KALRN: variants seen among roughly 807,000 people sequenced by gnomAD.
The protein encoded by KALRN is kalirin RhoGEF kinase.
A neutral mutation model predicts 353.7 loss-of-function variants in KALRN; 70 were observed. That is an observed-to-expected ratio of 0.20 (90% confidence interval 0.16 to 0.24). The LOEUF (loss-of-function observed/expected upper bound fraction) is 0.24. Ranked by LOEUF, KALRN falls within the 10% of genes least tolerant of loss-of-function variation. The pLI, the probability that KALRN is intolerant of heterozygous loss-of-function variation, is 1.00. For missense variants in KALRN, 2,791 were observed against 3,756.7 expected (o/e 0.74, Z 6.72); for synonymous variants, 1,391 against 1,434.8 (o/e 0.97, Z 0.69).
intron 1 of KALRN, among the ~76,000 whole-genome samples, chr3:124,086,418 C>T (rs1344600533): frequency 6.6e-6 from 1 of 151,336 alleles, no homozygotes; most frequent in African/African-American, 2.4e-5. Flanking sequence ...TAACATTTCC[C>T]TGATCATTAG....
chr3:124,659,379 G>A lies in KALRN; in HGVS notation c.6138G>A (p.Glu2046=), dbSNP rs142563608. Residue 2046 remains glutamate (E), a synonymous_variant, in exon 43 of 60, where the codon GAG becomes GAA. Coordinates refer to ENST00000682506, the MANE Select transcript of KALRN (RefSeq NM_001388419.1). ...CTGTGTTTCAGGAGGTAAAACAGGA[G>A]ATAAATCAGAGGCTGACACTGAGTG... ...YDAYFEEVKQ[E]INQRLTLSDF... is the part of the protein sequence containing the mutation. 1.8e-4 allele frequency: 294 copies of A among 1,612,934 alleles called. No individual in the cohort carries two copies. Among genetic ancestry groups the A allele is most frequent in the Non-Finnish European group, 2.3e-4 (267 of 1,179,060 alleles).
chr3:124,279,381 G>T (rs1354075290), intron 5 of KALRN, among the ~76,000 whole-genome samples: 1 of 152,226 alleles, frequency 6.6e-6, no homozygotes, highest in Non-Finnish European at 1.5e-5. Flanking sequence ...TGGAACAAAT[G>T]GTAGATTTGT....
chr3:124,238,803 G>A (rs73186301), intron 3 of KALRN, among the ~76,000 whole-genome samples: 6,747 of 152,230 alleles, frequency 0.044, 238 homozygotes, highest in Non-Finnish European at 0.062. Context: ...TTCGTTCAGC[G>A]TCCATCTTGG....
intron 1 of KALRN, among the ~76,000 whole-genome samples, chr3:124,156,664 A>G (rs538624068): frequency 6.6e-6 from 1 of 152,302 alleles, no homozygotes; most frequent in South Asian, 2.1e-4. Flanking sequence ...AGGATCTGCC[A>G]TTGAGCTCAG....
At chr3:124,050,645 G>GA (rs1346459620) in intron 1 of KALRN, among the ~76,000 whole-genome samples, 1 of 152,142 alleles carries the variant, frequency 6.6e-6, no homozygotes, top group Non-Finnish European at 1.5e-5. Context: ...GATCTAGACT[G>GA]AATTTTTCCC....
rs2068330631 is a variant in KALRN, at chr3:124,152,653, G to C, written c.74-75337G>C. 3 of 575,972 alleles carry C rather than the reference G, an allele frequency of 5.2e-6. No homozygotes were observed. In the African/African-American group the frequency reaches 6.1e-5, roughly 12 times the overall value. The allele number at this position is 575,972 out of a possible 1,614,324, so 35.7% of individuals were successfully genotyped here. Reference sequence around the variant, plus strand: ...CTGTTGCCCAGGCTGGAGTGCAGTGGTGCAATCGAGGCTCACTGCAACCTC... The same window carrying C: ...CTGTTGCCCAGGCTGGAGTGCAGTGCTGCAATCGAGGCTCACTGCAACCTC... On this transcript the variant is annotated intron_variant, in intron 1 of 59. Transcript: ENST00000682506.
intron 15 of KALRN, among the ~76,000 whole-genome samples, chr3:124,429,415 C>T (rs561313970): frequency 2.0e-5 from 3 of 152,288 alleles, no homozygotes; most frequent in Admixed American, 6.5e-5. Context: ...AATATGAAAG[C>T]AAATCTGAAA....
intron 38 of KALRN, among the ~76,000 whole-genome samples, chr3:124,653,884 A>G (rs2083690299): frequency 6.6e-6 from 1 of 152,254 alleles, no homozygotes; most frequent in African/African-American, 2.4e-5. Context: ...TGCAATTTAA[A>G]TCCTTGATGT....
At chr3:124,557,714 A>G (rs1415926698) in intron 33 of KALRN, among the ~76,000 whole-genome samples, 2 of 152,196 alleles carry the variant, frequency 1.3e-5, no homozygotes, top group African/African-American at 2.4e-5. Flanking sequence ...GATCAGATGG[A>G]AGAAGTTGCA....
At chr3:124,678,154 C>A (rs2087404111) in intron 49 of KALRN, 36 bp from the exon 50 acceptor site, 1 of 1,609,194 alleles carries the variant, frequency 6.2e-7, no homozygotes, top group Non-Finnish European at 8.5e-7. Flanking sequence ...TGTCCCTGAC[C>A]TGCCATTTTG....
chr3:124,576,949 G>A (rs933636857), intron 34 of KALRN, among the ~76,000 whole-genome samples: 2 of 152,142 alleles, frequency 1.3e-5, no homozygotes, highest in Admixed American at 1.3e-4. Context: ...AACCTGGAGT[G>A]GTTTGTTTTT....
At chr3:124,479,332 AGTTC>A (rs2061729067) in intron 27 of KALRN, among the ~76,000 whole-genome samples, 1 of 152,222 alleles carries the variant, frequency 6.6e-6, no homozygotes, top group Admixed American at 6.5e-5. Flanking sequence ...GTCCAGTAGG[AGTTC>A]TTAAAGTCTG....
At chr3:124,115,853 A>G (rs577080048) in intron 1 of KALRN, among the ~76,000 whole-genome samples, 41 of 152,300 alleles carry the variant, frequency 2.7e-4, no homozygotes, top group African/African-American at 8.4e-4. Flanking sequence ...ATGAATTTAA[A>G]TTGGTTTCCT....
chr3:124,066,265 G>A (rs566644558), intron 1 of KALRN, among the ~76,000 whole-genome samples: 1 of 152,306 alleles, frequency 6.6e-6, no homozygotes, highest in African/African-American at 2.4e-5. Flanking sequence ...GAAGAGGGGT[G>A]TGGAGAAAAG....
chr3:124,124,551 T>C (rs1246844281), intron 1 of KALRN, among the ~76,000 whole-genome samples: 1 of 152,238 alleles, frequency 6.6e-6, no homozygotes, highest in Non-Finnish European at 1.5e-5. Flanking sequence ...GAATTTCTAC[T>C]GTGGGAAAAA....
At chr3:124,304,767 A>G (rs1464804705) in intron 6 of KALRN, among the ~76,000 whole-genome samples, 3 of 152,282 alleles carry the variant, frequency 2.0e-5, no homozygotes, top group South Asian at 2.1e-4. Flanking sequence ...ACTCCACTCC[A>G]GAAAGCTTCA....
At chr3:124,322,160 C>T in intron 6 of KALRN, among the ~76,000 whole-genome samples, 1 of 152,206 alleles carries the variant, frequency 6.6e-6, no homozygotes, top group Non-Finnish European at 1.5e-5. Context: ...GGTCCTCACA[C>T]TACTGGGCAG....
At chr3:124,594,962 A>AT (rs982077121) in intron 34 of KALRN, among the ~76,000 whole-genome samples, 3 of 151,090 alleles carry the variant, frequency 2.0e-5, no homozygotes, top group Admixed American at 2.0e-4. Flanking sequence ...CTTTTTTTAA[A>AT]TTTTTTTAAA....
chr3:124,427,681 G>A (rs1280225613), intron 15 of KALRN, among the ~76,000 whole-genome samples: 2 of 152,200 alleles, frequency 1.3e-5, no homozygotes, highest in Non-Finnish European at 2.9e-5. Flanking sequence ...AGACTGAGCT[G>A]AACTTTTGGC....
Sources: allele counts gnomAD v4.1 joint callset (sites outside exome capture counted in the v4.1 genomes callset), GRCh38; gene constraint gnomAD v4.1.1; transcripts MANE v1.5; gene names NCBI Gene and HGNC (gene_info 2026-07-23, HGNC 2026-07-21).